GIPC2: variants seen among roughly 807,000 people sequenced by gnomAD.
GIPC2 encodes the protein PDZ domain-containing protein GIPC2.
A neutral mutation model predicts 30.6 loss-of-function variants in GIPC2; 30 were observed. The observed-to-expected ratio is 0.98, with a 90% CI of 0.73 to 1.33. The LOEUF (loss-of-function observed/expected upper bound fraction) is 1.33, where lower values mean the gene tolerates loss of function less well. Among genes scored for constraint, GIPC2 ranks in the 40% most tolerant of loss-of-function variants. The pLI is 0.00. For synonymous variants in GIPC2, 167 were observed against 150.0 expected, an observed-to-expected ratio of 1.11 and a Z score of -0.83; for missense variants, 414 against 390.3, an observed-to-expected ratio of 1.06 and a Z score of -0.51.
intron 2 of GIPC2, chr1:78,091,631 T>G (rs1002067063): frequency 3.9e-6 from 3 of 770,630 alleles, no homozygotes; most frequent in Admixed American, 1.7e-5. Flanking sequence ...CATCCCCATC[T>G]GGTTATACTG....
At chr1:78,071,498 C>G (rs925043632) in intron 1 of GIPC2, among the ~76,000 whole-genome samples, 2 of 150,574 alleles carry the variant, frequency 1.3e-5, no homozygotes, top group Non-Finnish European at 3.0e-5. Context: ...TCCTCCTCCT[C>G]TTCTTCCTCT....
At chr1:78,117,152 A>G (rs1179842432) in intron 3 of GIPC2, among the ~76,000 whole-genome samples, 4 of 152,254 alleles carry the variant, frequency 2.6e-5, no homozygotes, top group Non-Finnish European at 5.9e-5. Flanking sequence ...ACAAGAAAAA[A>G]ACAACCTCAT....
intron 5 of GIPC2, among the ~76,000 whole-genome samples, chr1:78,130,644 G>A (rs599987): frequency 0.77 from 116,439 of 152,028 alleles, 45,517 homozygotes; most frequent in East Asian, 0.99. Context: ...GATTAAACTA[G>A]CAATAATGAT....
intron 2 of GIPC2, among the ~76,000 whole-genome samples, chr1:78,086,786 G>A (rs1661935632): frequency 6.6e-6 from 1 of 151,938 alleles, no homozygotes; most frequent in Admixed American, 6.6e-5. Flanking sequence ...CCATTTGCTT[G>A]GTAGATTTTT....
At chr1:78,053,994 C>T (rs936523319) in intron 1 of GIPC2, among the ~76,000 whole-genome samples, 1 of 152,146 alleles carries the variant, frequency 6.6e-6, no homozygotes, top group Non-Finnish European at 1.5e-5. Context: ...AACAATGTCT[C>T]ATATTCCTGT....
chr1:78,080,091 C>CT (rs1292061947), intron 1 of GIPC2, among the ~76,000 whole-genome samples: 6 of 151,734 alleles, frequency 4.0e-5, no homozygotes, highest in African/African-American at 7.3e-5. Context: ...AAATAAATTG[C>CT]TTTTTTTCAG....
rs570693127 is a variant in GIPC2 at position 78,078,838 on chromosome 1, G to GAA, written c.241-1820_241-1819dup. Reference sequence around the variant, plus strand: ...GTGAATACCATGGACAGATTCACCGGAAAAAAAAAAAAAAAAAACAACAAA... The same window carrying GAA: ...GTGAATACCATGGACAGATTCACCGGAAAAAAAAAAAAAAAAAAAACAACAAA... On this transcript the variant is annotated intron_variant, in intron 1 of 5. Transcript: ENST00000370759. Among the ~76,000 whole-genome samples the GAA allele has an allele frequency of 9.9e-4, 106 of 106,838 alleles. 2 individuals carry two copies. The highest frequency in any genetic ancestry group is 2.0e-3 in the Admixed American group (20 of 10,022). 70.1% of individuals were successfully genotyped at this position (106,838 alleles called of 152,430 possible).
intron 1 of GIPC2, among the ~76,000 whole-genome samples, chr1:78,070,336 A>G (rs988660438): frequency 2.0e-5 from 3 of 152,156 alleles, no homozygotes; most frequent in African/African-American, 2.4e-5. Context: ...TCCATCTTTA[A>G]TGTTAAACAA....
At chr1:78,134,191 A>G (rs762015781) in intron 5 of GIPC2, among the ~76,000 whole-genome samples, 15 of 152,142 alleles carry the variant, frequency 9.9e-5, no homozygotes, top group African/African-American at 3.4e-4. Context: ...TAACACCTCA[A>G]TTGGAGATAT....
chr1:78,092,728 A>G (rs755169656), intron 2 of GIPC2: 1 of 152,194 alleles, frequency 6.6e-6, no homozygotes, highest in African/African-American at 2.4e-5. Context: ...CAAGTTTCCT[A>G]TATTGATTTT....
At chr1:78,045,170 C>A, upstream of GIPC2, 2 of 666,966 alleles carry the variant, frequency 3.0e-6, no homozygotes, top group Non-Finnish European at 3.7e-6. Context: ...ACTGAAATTG[C>A]ATAGTAAGTG....
chr1:78,046,383 CGCGCCGCGCG>C (rs781655687), intron 1 of GIPC2, 49 bp downstream of exon 1: 39 of 1,481,278 alleles, frequency 2.6e-5, no homozygotes, highest in Middle Eastern at 2.2e-4. Context: ...CGCGCCGCGC[CGCGCCGCGCG>C]TATTTCTGTG....
At chr1:78,090,957 A>T (rs1662026110) in intron 2 of GIPC2, among the ~76,000 whole-genome samples, 1 of 152,208 alleles carries the variant, frequency 6.6e-6, no homozygotes, top group South Asian at 2.1e-4. Context: ...GGAAACGGAA[A>T]ATGGAAAAAT....
At chr1:78,045,962 A>G (rs1010214464), upstream of GIPC2, 5 of 1,373,798 alleles carry the variant, frequency 3.6e-6, no homozygotes, top group Admixed American at 3.9e-5. Flanking sequence ...GACCCGACGC[A>G]GCCAGGCGGA....
At chr1:78,069,475 CTTTTTTTTTT>C (rs1167457025) in intron 1 of GIPC2, among the ~76,000 whole-genome samples, 12 of 127,266 alleles carry the variant, frequency 9.4e-5, no homozygotes, top group Non-Finnish European at 1.7e-4. Flanking sequence ...CCCTGTAGTA[CTTTTTTTTTT>C]TTTTTTTTTT....
intron 1 of GIPC2, among the ~76,000 whole-genome samples, chr1:78,062,622 C>T (rs114870119): frequency 1.3e-5 from 2 of 151,536 alleles, no homozygotes; most frequent in African/African-American, 4.9e-5. Context: ...ATCCTGTCAC[C>T]TCAGCCTCCT....
chr1:78,114,331 G>A (rs938442994), intron 3 of GIPC2, among the ~76,000 whole-genome samples: 8 of 152,220 alleles, frequency 5.3e-5, no homozygotes, highest in African/African-American at 1.7e-4. Context: ...TTGGCCAGAC[G>A]TGCTTAGACA....
chr1:78,066,861 AAC>A (rs945314564), intron 1 of GIPC2, among the ~76,000 whole-genome samples: 5 of 152,320 alleles, frequency 3.3e-5, no homozygotes, highest in Admixed American at 2.0e-4. Context: ...AGAAAGAAGC[AAC>A]AGACACTGGG....
At chr1:78,134,925 G>A (rs939338982) in intron 5 of GIPC2, among the ~76,000 whole-genome samples, 3 of 152,162 alleles carry the variant, frequency 2.0e-5, no homozygotes, top group Non-Finnish European at 2.9e-5. Flanking sequence ...CAAGTCCTAA[G>A]TACTCCTGAA....
Sources: allele counts gnomAD v4.1 joint callset (sites outside exome capture counted in the v4.1 genomes callset), GRCh38; gene constraint gnomAD v4.1.1; transcripts MANE v1.5; gene names NCBI Gene and HGNC (gene_info 2026-07-23, HGNC 2026-07-21).